PCDH10: variants seen among roughly 807,000 people sequenced by gnomAD.
The protein encoded by PCDH10 is protocadherin-10.
A neutral mutation model predicts 74.4 loss-of-function variants in PCDH10; 15 were observed. That is an observed-to-expected ratio of 0.20 (90% CI 0.13 to 0.31). The LOEUF (loss-of-function observed/expected upper bound fraction) is 0.31, where lower values mean the gene tolerates loss of function less well. PCDH10 is among the 10% of genes least tolerant of loss of function. The pLI is 1.00. For synonymous variants in PCDH10, 619 were observed against 589.8 expected, an observed-to-expected ratio of 1.05 and a Z score of -0.72; for missense variants, 1,260 against 1,390.2, an observed-to-expected ratio of 0.91 and a Z score of 1.49.
intron 4 of PCDH10, among the ~76,000 whole-genome samples, chr4:133,165,888 A>G (rs1727070382): frequency 6.6e-6 from 1 of 151,802 alleles, no homozygotes; most frequent in Non-Finnish European, 1.5e-5. Flanking sequence ...AACAACTTTT[A>G]CACAAAAATA....
rs577948977 is a variant in PCDH10, at chr4:133,188,184, A to G, written c.3104-1957A>G. 1.2e-4 allele frequency among the ~76,000 whole-genome samples: 19 copies of G among 152,250 alleles called. No homozygotes were observed. The South Asian group carries it at 3.9e-3, about 31-fold the overall frequency. On this transcript the variant is annotated intron_variant, in intron 4 of 4. Transcript: ENST00000264360. ...TATTTTCCTGGGTTGTCCAGAAAGC[A>G]CAAAATCTTTTGTAATTAATAATAG...
downstream of PCDH10, among the ~76,000 whole-genome samples, chr4:133,197,117 G>C (rs577342926): frequency 6.4e-4 from 98 of 152,200 alleles, 1 homozygote; most frequent in African/African-American, 2.1e-3. Flanking sequence ...GGCTGGGTTC[G>C]CTTTCTTCCT....
intron 4 of PCDH10, among the ~76,000 whole-genome samples, chr4:133,180,287 T>C (rs1344092206): frequency 6.6e-6 from 1 of 152,088 alleles, no homozygotes; most frequent in Non-Finnish European, 1.5e-5. Flanking sequence ...CCATTGTGGA[T>C]ATGTATAATA....
chr4:133,170,539 A>G (rs1312871609), intron 4 of PCDH10, among the ~76,000 whole-genome samples: 1 of 152,184 alleles, frequency 6.6e-6, no homozygotes, highest in Non-Finnish European at 1.5e-5. Flanking sequence ...TTTAATTTTT[A>G]ATTATATCTA....
intron 2 of PCDH10, among the ~76,000 whole-genome samples, chr4:133,201,900 A>C (rs2125877869): frequency 6.7e-6 from 1 of 149,764 alleles, no homozygotes; most frequent in African/African-American, 2.5e-5. Flanking sequence ...GGGGATCCCT[A>C]ATAAAGACAA....
intron 4 of PCDH10, among the ~76,000 whole-genome samples, chr4:133,173,474 C>T (rs1177012714): frequency 6.6e-6 from 1 of 151,954 alleles, no homozygotes; most frequent in Non-Finnish European, 1.5e-5. Flanking sequence ...ACCTAGAAAG[C>T]TTTATAAACT....
intron 4 of PCDH10, among the ~76,000 whole-genome samples, chr4:133,182,033 T>A (rs1050621494): frequency 3.3e-5 from 5 of 152,160 alleles, no homozygotes; most frequent in Admixed American, 3.3e-4. Flanking sequence ...AATGAAGGTC[T>A]TATTATTTGC....
rs755404882 is a variant in PCDH10, at chr4:133,152,671, G to A, written c.2531G>A (p.Arg844Gln). The A allele has an allele frequency of 1.9e-6, 3 of 1,614,184 alleles. No individual in the cohort carries two copies. The South Asian group carries it at 3.3e-5, about 18-fold the overall frequency. The change falls in exon 1 of 5, where the codon CGG becomes CAG. Residue 844 changes from arginine to glutamine, a missense_variant. Around this residue, in one of 11 missense-constraint regions of PCDH10, gnomAD observed 587 missense variants for 616.9 expected, o/e 0.95. Transcript: ENST00000264360. ...TTTCTTAAGCCCTGCAGCCCTTCGC[G>A]GAGTACGGACACTGAGCACAACCCC... is the stretch of plus-strand genomic sequence containing the variant. ...LMFLKPCSPS[R>Q]STDTEHNPCG...
chr4:133,186,471 A>G (rs1003109489), intron 4 of PCDH10, among the ~76,000 whole-genome samples: 1 of 152,182 alleles, frequency 6.6e-6, no homozygotes, highest in African/African-American at 2.4e-5. Context: ...TCCTCCAAGC[A>G]TGCTTTGATA....
chr4:133,206,779 A>G (rs1728013868), intron 2 of PCDH10, among the ~76,000 whole-genome samples: 1 of 152,162 alleles, frequency 6.6e-6, no homozygotes, highest in Admixed American at 6.5e-5. Flanking sequence ...GGAGCTTGAA[A>G]ATAAACTATG....
chr4:133,154,324 A>C lies in PCDH10; in HGVS notation c.2649A>C (p.Ala883=). ...TTTCCTAGACTAAACACCAGCGAGC[A>C]GAGCTCAGCTATCTAGTTGACAGAC... ...ILSNETKHQR[A]ELSYLVDRPR... The change falls in exon 2 of 5, where the codon GCA becomes GCC. Residue 883 remains alanine, a synonymous_variant. Transcript: ENST00000264360. 6.2e-7 allele frequency: 1 copy of C among 1,608,192 alleles called. No individual in the cohort carries two copies. The highest frequency in any genetic ancestry group is 8.5e-7 in the Non-Finnish European group (1 of 1,177,232).
At position 133,206,810 on chromosome 4, in the gene PCDH10, A is replaced by G. The variant is rs182471937; in HGVS notation, n.438-1266A>G. Among the ~76,000 whole-genome samples, 487 of 152,294 alleles carry G rather than the reference A, an allele frequency of 3.2e-3. 3 individuals are homozygous for G. Among genetic ancestry groups the G allele is most frequent in the African/African-American group, 0.011 (454 of 41,580 alleles). On this transcript the variant is annotated intron_variant and non_coding_transcript_variant, in intron 2 of 2. Transcript: ENST00000511112. Reference sequence around the variant, plus strand: ...CTATGGACATAAAAAGAAAAGTCTTATAAGCATAATGCAGAATGTCATGAG... The same window carrying G: ...CTATGGACATAAAAAGAAAAGTCTTGTAAGCATAATGCAGAATGTCATGAG...
At chr4:133,175,308 C>A (rs1192788531) in intron 4 of PCDH10, among the ~76,000 whole-genome samples, 3 of 151,906 alleles carry the variant, frequency 2.0e-5, no homozygotes, top group Admixed American at 6.6e-5. Context: ...ACTGTAAAAA[C>A]TTTTTAACCA....
At chr4:133,202,800 A>G (rs776320000) in intron 2 of PCDH10, among the ~76,000 whole-genome samples, 48 of 152,198 alleles carry the variant, frequency 3.2e-4, no homozygotes, top group Non-Finnish European at 5.1e-4. Context: ...ATTGAGCTCC[A>G]TCATGTATAA....
chr4:133,196,331 G>C (rs1265066055), downstream of PCDH10, among the ~76,000 whole-genome samples: 1 of 152,136 alleles, frequency 6.6e-6, no homozygotes, highest in South Asian at 2.1e-4. Context: ...ACTGATTGGA[G>C]GGTTCAGAGA....
chr4:133,181,366 A>T (rs1727412634), intron 4 of PCDH10, among the ~76,000 whole-genome samples: 1 of 151,992 alleles, frequency 6.6e-6, no homozygotes, highest in Non-Finnish European at 1.5e-5. Flanking sequence ...TATTATACAA[A>T]CTCGTCCTAT....
intron 2 of PCDH10, 89 bp from the exon 3 acceptor site, chr4:133,154,828 G>T: frequency 1.1e-6 from 1 of 893,308 alleles, no homozygotes; most frequent in Non-Finnish European, 1.8e-6. Context: ...TGAGTCTGCA[G>T]CACCATCTGT....
rs911351652 is a variant in PCDH10 at position 133,191,067 on chromosome 4, A to C, written c.*907A>C. 6.6e-6 allele frequency: 1 copy of C among 152,402 alleles called. No individual in the cohort carries two copies. Among genetic ancestry groups the C allele is most frequent in the African/African-American group, 2.4e-5 (1 of 41,438 alleles). The allele number at this position is 152,402 out of a possible 1,614,324, so 9.4% of individuals were successfully genotyped here. On this transcript the variant is annotated 3_prime_UTR_variant, in exon 5 of 5. Transcript: ENST00000264360. ...AGCACTGACTATGTACTATCAAACT[A>C]TCTAACAATCTGCATAAGTCTGATT...
Position 133,150,598 on chromosome 4 carries a change from C to T in PCDH10, c.458C>T (p.Thr153Ile), listed in dbSNP as rs779623384. The T allele has an allele frequency of 1.5e-5, 25 of 1,613,506 alleles. No individual in the cohort carries two copies. The highest frequency in any genetic ancestry group is 2.0e-5 in the Non-Finnish European group (24 of 1,179,990). ...AGCGCATTCGACCCAGACGTGGGCA[C>T]CAACTCCTTGCGCGACTACGAGATC... ...LESAFDPDVG[T>I]NSLRDYEITP... The change falls in exon 1 of 5, where the codon ACC becomes ATC. Residue 153 changes from threonine to isoleucine, a missense_variant. By Grantham distance (89) the Thr-to-Ile change is moderately conservative. Around this residue, in one of 11 missense-constraint regions of PCDH10, gnomAD observed 63 missense variants for 100.7 expected, o/e 0.63. Transcript: ENST00000264360.
Sources: allele counts gnomAD v4.1 joint callset (sites outside exome capture counted in the v4.1 genomes callset), GRCh38; gene constraint gnomAD v4.1.1; regional missense constraint gnomAD v4.1.1; transcripts MANE v1.5; gene names NCBI Gene and HGNC (gene_info 2026-07-23, HGNC 2026-07-21).